PDXDC1: variants seen among roughly 807,000 people sequenced by gnomAD.
PDXDC1 encodes pyridoxal dependent decarboxylase domain containing 1.
Under a neutral mutation model 100.1 loss-of-function variants are expected in PDXDC1, and 42 were observed. The ratio of observed to expected loss-of-function variants is 0.42; its 90% CI spans 0.33 to 0.54. The LOEUF is 0.54. PDXDC1 is among the 20% of genes least tolerant of loss of function. PDXDC1 has a pLI of 0.10. For missense variants in PDXDC1, 636 were observed against 979.2 expected (o/e 0.65, Z 4.68); for synonymous variants, 260 against 371.7 (o/e 0.70, Z 3.46).
At chr16:14,987,692 G>T (rs2151224977) in intron 1 of PDXDC1, among the ~76,000 whole-genome samples, 1 of 152,384 alleles carries the variant, frequency 6.6e-6, no homozygotes, top group South Asian at 2.1e-4. Context: ...GCTCACTGCA[G>T]CCTCCGCCTC....
the PDXDC1 span, among the ~76,000 whole-genome samples, chr16:15,147,268 C>T: frequency 6.6e-6 from 1 of 152,210 alleles, no homozygotes; most frequent in Non-Finnish European, 1.5e-5. Flanking sequence ...TCGGAAGCGC[C>T]ACTGCCACCT....
chr16:15,132,262 G>A (rs1421237937), intron 16 of PDXDC1, among the ~76,000 whole-genome samples: 2 of 23,742 alleles, frequency 8.4e-5, no homozygotes, highest in Non-Finnish European at 1.9e-4. Context: ...GGAGTGGAGG[G>A]GCTCAGCGGG....
intron 16 of PDXDC1, among the ~76,000 whole-genome samples, chr16:15,083,176 A>C (rs948957491): frequency 6.6e-6 from 1 of 152,224 alleles, no homozygotes; most frequent in African/African-American, 2.4e-5. Flanking sequence ...CGAGGCAGGC[A>C]GATCACAAGG....
intron 16 of PDXDC1, chr16:15,044,217 C>A: frequency 1.5e-6 from 1 of 685,432 alleles, no homozygotes; most frequent in Non-Finnish European, 2.6e-6. Flanking sequence ...TTTCTCTGTG[C>A]TGCTCCAAGT....
intron 16 of PDXDC1, chr16:15,071,038 G>C (rs746390969): frequency 1.5e-5 from 18 of 1,203,276 alleles, no homozygotes; most frequent in Non-Finnish European, 2.0e-5. Context: ...CAAAAAAAAT[G>C]GGAGATATTT....
At chr16:15,106,785 T>A (rs1357558974) in intron 16 of PDXDC1, among the ~76,000 whole-genome samples, 4 of 89,384 alleles carry the variant, frequency 4.5e-5, no homozygotes, top group African/African-American at 1.1e-4. Flanking sequence ...AAAAAAACTG[T>A]ACAGTCTGAT....
chr16:15,061,562 A>T (rs1430031601), intron 16 of PDXDC1: 12 of 496,524 alleles, frequency 2.4e-5, no homozygotes, highest in Non-Finnish European at 4.3e-5. Flanking sequence ...AAGGGGAACA[A>T]CAACAACAAA....
intron 16 of PDXDC1, chr16:15,133,330 C>G: frequency 1.4e-6 from 2 of 1,432,502 alleles, no homozygotes; most frequent in Non-Finnish European, 1.9e-6. Context: ...CCTGCCGCAG[C>G]AGCCCCGGGA....
At position 15,069,959 on chromosome 16, in the gene PDXDC1, C is replaced by T. The variant is rs368254106; in HGVS notation, c.1399+39903C>T. ...ATTATTAAAAGTTTGAGTGCACATG[C>T]AGTTTTCTGAATCCAGTTTTTATAA... On this transcript the variant is annotated intron_variant, in intron 16 of 16. Transcript: ENST00000535621. 2.1e-5 allele frequency: 30 copies of T among 1,450,874 alleles called. No individual in the cohort carries two copies. In the South Asian group the frequency reaches 3.3e-4, roughly 16 times the overall value. The allele number at this position is 1,450,874 out of a possible 1,614,324, so 89.9% of individuals were successfully genotyped here. A position where few individuals can be genotyped will look rare whatever the true frequency, so the allele number is the denominator to read the frequency against.
intron 16 of PDXDC1, among the ~76,000 whole-genome samples, chr16:15,062,735 G>A (rs1198824573): frequency 6.6e-6 from 1 of 152,174 alleles, no homozygotes; most frequent in Non-Finnish European, 1.5e-5. Context: ...ATTAACCTTC[G>A]CTTCTCACAT....
intron 16 of PDXDC1, chr16:15,133,195 C>G: frequency 5.6e-6 from 6 of 1,075,472 alleles, no homozygotes; most frequent in Non-Finnish European, 6.9e-6. Context: ...AAGCTCCAGG[C>G]AGGGGTACAG....
chr16:15,092,158 G>A lies in PDXDC1; in HGVS notation c.1400-46721G>A, dbSNP rs538760704. ...CACGCCACTGCACTCCAGCCTGGGTGACAGAGGAAGACTCCAGCACAAATA... is the reference window on the plus strand; with the variant it reads ...CACGCCACTGCACTCCAGCCTGGGTAACAGAGGAAGACTCCAGCACAAATA... On this transcript the variant is annotated intron_variant, in intron 16 of 16. Coordinates refer to the PDXDC1 transcript ENST00000535621. 8.7e-4 allele frequency among the ~76,000 whole-genome samples: 133 copies of A among 152,258 alleles called. 1 individual carries two copies. The highest frequency in any genetic ancestry group is 3.1e-3 in the African/African-American group (129 of 41,540).
In PDXDC1 at chr16:15,080,134, G is replaced by C. The variant is rs2045638000; in HGVS notation, c.1399+50078G>C. ...ATGTAAGATAAAACATTTCAACAGA[G>C]AATAAACGTTTCACAGTTATGTAAG... is the stretch of plus-strand genomic sequence containing the variant. On this transcript the variant is annotated intron_variant, in intron 16 of 16. Coordinates refer to the PDXDC1 transcript ENST00000535621. 9.6e-6 allele frequency: 15 copies of C among 1,557,762 alleles called. No individual in the cohort carries two copies. In the East Asian group the frequency reaches 3.0e-4, roughly 31 times the overall value.
At chr16:15,106,710 A>G (rs2046818893) in intron 16 of PDXDC1, among the ~76,000 whole-genome samples, 1 of 131,288 alleles carries the variant, frequency 7.6e-6, no homozygotes, top group African/African-American at 2.5e-5. Context: ...AGCCAAGATC[A>G]CGTCATTGCA....
chr16:14,975,300 A>T, intron 1 of PDXDC1, 80 bp downstream of exon 1: 2 of 1,375,618 alleles, frequency 1.5e-6, no homozygotes, highest in Non-Finnish European at 1.9e-6. Context: ...CCCAGTCGCG[A>T]GCTGCCATTG....
At chr16:14,981,962 G>A (rs1327115819) in intron 1 of PDXDC1, among the ~76,000 whole-genome samples, 3 of 152,208 alleles carry the variant, frequency 2.0e-5, no homozygotes, top group Non-Finnish European at 4.4e-5. Context: ...CTGAGTAGCT[G>A]GGATTACAGG....
At chr16:15,055,846 T>C in intron 16 of PDXDC1, 2 of 1,063,658 alleles carry the variant, frequency 1.9e-6, no homozygotes, top group Non-Finnish European at 2.4e-6. Flanking sequence ...GCCCTGCAGC[T>C]TCCCCTCGGG....
chr16:15,061,262 A>G (rs956271399), intron 16 of PDXDC1: 2 of 153,362 alleles, frequency 1.3e-5, no homozygotes, highest in Admixed American at 6.5e-5. Context: ...AAGGTGAACA[A>G]TGTAGCCAAA....
At chr16:15,133,366 C>T (rs1332232735) in intron 16 of PDXDC1, 57 of 1,060,056 alleles carry the variant, frequency 5.4e-5, no homozygotes, top group Non-Finnish European at 7.5e-5. Context: ...GCCCGTGCAG[C>T]CAGACTGTGA....
Sources: gnomAD v4.1 joint callset for allele counts (sites outside exome capture counted in the v4.1 genomes callset) on GRCh38, gnomAD v4.1.1 for gene constraint, MANE v1.5 for transcripts, NCBI Gene and HGNC (gene_info 2026-07-23, HGNC 2026-07-21) for gene names.